The following PHACTR1 variants were observed in gnomAD, a reference collection of about 807,000 sequenced individuals.
The protein encoded by PHACTR1 is phosphatase and actin regulator 1.
A neutral mutation model predicts 69.2 loss-of-function variants in PHACTR1; 16 were observed. That is an observed-to-expected ratio of 0.23 (90% confidence interval 0.16 to 0.35). The LOEUF is 0.35. Ranked by LOEUF, PHACTR1 falls within the 10% of genes least tolerant of loss-of-function variation. The probability of loss-of-function intolerance (pLI) is 1.00; values close to 1 mark genes in which losing one functional copy is unlikely to be tolerated. For synonymous variants in PHACTR1, 312 were observed against 284.5 expected (o/e 1.10, Z -0.97); for missense variants, 510 against 734.7 (o/e 0.69, Z 3.54).
intron 5 of PHACTR1, among the ~76,000 whole-genome samples, chr6:13,151,723 A>T (rs930000683): frequency 6.6e-6 from 1 of 152,200 alleles, no homozygotes; most frequent in Non-Finnish European, 1.5e-5. Context: ...GAATGATTTC[A>T]TTTATGTTTT....
chr6:12,743,126 T>C (rs1453643177), intron 3 of PHACTR1, among the ~76,000 whole-genome samples: 1 of 151,426 alleles, frequency 6.6e-6, no homozygotes, highest in African/African-American at 2.4e-5. Context: ...TTGTTTCTTC[T>C]GAGCAGCACC....
At chr6:12,848,370 C>T (rs1779499358) in intron 4 of PHACTR1, among the ~76,000 whole-genome samples, 1 of 152,162 alleles carries the variant, frequency 6.6e-6, no homozygotes, top group Admixed American at 6.5e-5. Flanking sequence ...CACAAACACA[C>T]ATAAGGGTGC....
intron 4 of PHACTR1, among the ~76,000 whole-genome samples, chr6:12,867,758 A>T (rs887497803): frequency 3.3e-5 from 5 of 152,180 alleles, no homozygotes; most frequent in African/African-American, 1.2e-4. Flanking sequence ...GTGAAATATC[A>T]AGAGGTATTT....
intron 3 of PHACTR1, among the ~76,000 whole-genome samples, chr6:12,735,022 AC>A (rs1253977296): frequency 2.0e-5 from 3 of 152,196 alleles, no homozygotes; most frequent in Non-Finnish European, 4.4e-5. Context: ...ACACTATCTG[AC>A]AGTTTCTGTG....
chr6:13,077,015 G>A (rs1282971447), intron 5 of PHACTR1, among the ~76,000 whole-genome samples: 1 of 149,932 alleles, frequency 6.7e-6, no homozygotes, highest in African/African-American at 2.5e-5. Context: ...TGGGTGCAGC[G>A]CACCAGCATG....
intron 4 of PHACTR1, among the ~76,000 whole-genome samples, chr6:13,052,631 G>T (rs1042946675): frequency 3.5e-4 from 54 of 152,196 alleles, no homozygotes; most frequent in Non-Finnish European, 7.6e-4. Flanking sequence ...TTATGAGATT[G>T]AAAGTTGAAT....
intron 4 of PHACTR1, among the ~76,000 whole-genome samples, chr6:13,022,998 T>C (rs570808585): frequency 6.6e-6 from 1 of 151,902 alleles, no homozygotes; most frequent in Non-Finnish European, 1.5e-5. Context: ...GGCTGGGCCA[T>C]AGAGGGAGAT....
chr6:13,174,042 A>G (rs562180086), intron 6 of PHACTR1, among the ~76,000 whole-genome samples: 6 of 151,678 alleles, frequency 4.0e-5, no homozygotes, highest in African/African-American at 7.3e-5. Context: ...TTTTTTTTCT[A>G]TTCACATAGA....
chr6:12,991,151 A>C (rs1418356903), intron 4 of PHACTR1, among the ~76,000 whole-genome samples: 1 of 152,164 alleles, frequency 6.6e-6, no homozygotes, highest in African/African-American at 2.4e-5. Flanking sequence ...TCCTGTCCAT[A>C]TCGCTATTAC....
intron 10 of PHACTR1, among the ~76,000 whole-genome samples, chr6:13,259,866 C>G (rs886676304): frequency 2.0e-5 from 3 of 152,146 alleles, no homozygotes; most frequent in Non-Finnish European, 4.4e-5. Context: ...GATGGAAATG[C>G]CTGGGAAGAG....
intron 4 of PHACTR1, among the ~76,000 whole-genome samples, chr6:12,923,607 C>A (rs1363582537): frequency 6.6e-6 from 1 of 152,154 alleles, no homozygotes; most frequent in Non-Finnish European, 1.5e-5. Context: ...TTATCATTAT[C>A]CTTGCCAATT....
intron 5 of PHACTR1, among the ~76,000 whole-genome samples, chr6:13,058,560 G>A (rs1009455104): frequency 1.3e-5 from 2 of 152,138 alleles, no homozygotes; most frequent in South Asian, 4.1e-4. Flanking sequence ...ATATAATGGA[G>A]AAACAGCTGG....
intron 6 of PHACTR1, among the ~76,000 whole-genome samples, chr6:13,161,050 G>A (rs1327602419): frequency 1.3e-5 from 2 of 152,024 alleles, no homozygotes; most frequent in Non-Finnish European, 2.9e-5. Context: ...TGCAATCACG[G>A]CTCACTGCAG....
At chr6:12,772,546 A>G (rs1561868042) in intron 4 of PHACTR1, among the ~76,000 whole-genome samples, 1 of 152,208 alleles carries the variant, frequency 6.6e-6, no homozygotes, top group Non-Finnish European at 1.5e-5. Context: ...TTTACTCTGC[A>G]CAATGGCCTT....
chr6:13,053,402 C>T lies in PHACTR1; in HGVS notation c.288C>T (p.Asp96=). ...EVERLAAMRS[D]SLVPGTHTPP... is the part of the protein sequence containing the mutation. ...AGAGGCTGGCGGCGATGCGTTCTGA[C>T]TCCCTCGTCCCAGGCACCCACACCC... Residue 96 remains aspartate (D), a synonymous_variant, in exon 5 of 15, where the codon GAC becomes GAT. Coordinates refer to ENST00000332995, the MANE Select transcript of PHACTR1 (RefSeq NM_030948.6). 1 of 1,613,138 alleles carries T rather than the reference C, an allele frequency of 6.2e-7. No homozygotes were observed. Among genetic ancestry groups the T allele is most frequent in the South Asian group, 1.1e-5 (1 of 90,886 alleles).
In PHACTR1 at chr6:13,049,181, A is replaced by G. The variant is rs950562514; in HGVS notation, c.251-4184A>G. Among the ~76,000 whole-genome samples, 4 of 152,074 alleles carry G rather than the reference A, an allele frequency of 2.6e-5. No homozygotes were observed. The East Asian group carries it at 7.7e-4, about 29-fold the overall frequency. On this transcript the variant is annotated intron_variant, in intron 4 of 14. Coordinates refer to ENST00000332995, the MANE Select transcript of PHACTR1 (RefSeq NM_030948.6). ...TTCATATCATTATTTTAATGGGGCA[A>G]TTTCAGAATAATTTGTATCCATTTC...
intron 4 of PHACTR1, among the ~76,000 whole-genome samples, chr6:12,892,708 ATTCT>A (rs568906081): frequency 6.8e-4 from 103 of 152,362 alleles, no homozygotes; most frequent in African/African-American, 2.3e-3. Flanking sequence ...ACTGAAGTTC[ATTCT>A]TCCATTTATT....
rs549816023 is a variant in PHACTR1 at position 12,757,717 on chromosome 6, G to A, written c.250+7927G>A. Among the ~76,000 whole-genome samples the A allele has an allele frequency of 2.0e-5, 3 of 152,274 alleles. No individual in the cohort carries two copies. In the South Asian group the frequency reaches 6.2e-4, roughly 32 times the overall value. On this transcript the variant is annotated intron_variant, in intron 4 of 14. Coordinates refer to ENST00000332995, the MANE Select transcript of PHACTR1 (RefSeq NM_030948.6). ...ATAGGTTTCACCTGAGCAGTAGGAG[G>A]GATAGAACGATCATTTGGGGGCACG...
chr6:12,814,338 C>T (rs951074324), intron 4 of PHACTR1, among the ~76,000 whole-genome samples: 9 of 152,196 alleles, frequency 5.9e-5, no homozygotes, highest in Non-Finnish European at 1.0e-4. Context: ...GCCTCAATGT[C>T]CCGATCTTCA....
Sources: gnomAD v4.1 joint callset for allele counts (sites outside exome capture counted in the v4.1 genomes callset) on GRCh38, gnomAD v4.1.1 for gene constraint, MANE v1.5 for transcripts, NCBI Gene and HGNC (gene_info 2026-07-23, HGNC 2026-07-21) for gene names.